The following SEC22A variants were observed in gnomAD, a reference collection of about 807,000 sequenced individuals.
The protein encoded by SEC22A is vesicle-trafficking protein SEC22a.
SEC22A carries 22 observed loss-of-function variants against 35.3 expected under a neutral mutation model. That is an observed-to-expected ratio of 0.62 (90% CI 0.45 to 0.89). The LOEUF (loss-of-function observed/expected upper bound fraction) is 0.89. SEC22A is among the 40% of genes least tolerant of loss of function. The pLI is 0.00. For missense variants in SEC22A, 354 were observed against 362.5 expected (o/e 0.98, Z 0.19); for synonymous variants, 119 against 129.5 (o/e 0.92, Z 0.55).
chr3:123,236,148 A>T (rs1490756083), intron 4 of SEC22A, among the ~76,000 whole-genome samples: 1 of 152,176 alleles, frequency 6.6e-6, no homozygotes, highest in African/African-American at 2.4e-5. Context: ...CTCTGAGTAT[A>T]CGAAAAACTC....
chr3:123,243,688 C>T (rs1228162999), intron 4 of SEC22A: 2 of 152,230 alleles, frequency 1.3e-5, no homozygotes, highest in African/African-American at 4.8e-5. Context: ...TTTGTATCTT[C>T]GAAAGCATAG....
chr3:123,203,510 A>T (rs933770089), intron 1 of SEC22A, among the ~76,000 whole-genome samples: 1 of 152,210 alleles, frequency 6.6e-6, no homozygotes, highest in African/African-American at 2.4e-5. Flanking sequence ...TATGAGATAG[A>T]TGCTATTAGT....
At chr3:123,270,585 G>A (rs1458724157) in intron 6 of SEC22A, among the ~76,000 whole-genome samples, 2 of 152,140 alleles carry the variant, frequency 1.3e-5, no homozygotes, top group Non-Finnish European at 2.9e-5. Flanking sequence ...ACTGTTCTGG[G>A]CACTGGAGAT....
At position 123,209,305 on chromosome 3, in the gene SEC22A, A is replaced by T. The variant is rs1396719648; in HGVS notation, c.88A>T (p.Met30Leu). The T allele has an allele frequency of 6.2e-7, 1 of 1,614,112 alleles. No individual in the cohort carries two copies. The highest frequency in any genetic ancestry group is 2.2e-5 in the East Asian group (1 of 44,872). Reference protein sequence around the residue: ...ASTDYEQSTGMQECRKYFKML... With the variant: ...ASTDYEQSTGLQECRKYFKML... ...TACTGATTATGAACAAAGCACAGGA[A>T]TGCAGGAGTGCAGAAAGTATTTTAA... Residue 30 changes from methionine (M) to leucine (L), a missense_variant, in exon 2 of 7, where the codon ATG (methionine) becomes TTG (leucine). By Grantham distance (15) the Met-to-Leu change is conservative. Coordinates refer to ENST00000492595, the MANE Select transcript of SEC22A (RefSeq NM_012430.5).
rs116858132 is a variant in SEC22A at position 123,229,309 on chromosome 3, A to G, written c.541+4012A>G. Among the ~76,000 whole-genome samples the G allele has an allele frequency of 5.3e-5, 8 of 152,344 alleles. No individual in the cohort carries two copies. In the East Asian group the frequency reaches 1.5e-3, roughly 29 times the overall value. On this transcript the variant is annotated intron_variant, in intron 4 of 6. Transcript: ENST00000492595. The stretch of plus-strand genomic sequence containing the variant: ...TGTCCCTGAACCTAAAATAAAAGTT[A>G]AAAGGAAACCAAAACTCATCACTTA...
chr3:123,253,660 C>T (rs1015440050), intron 5 of SEC22A, among the ~76,000 whole-genome samples: 14 of 144,846 alleles, frequency 9.7e-5, no homozygotes, highest in African/African-American at 2.1e-4. Flanking sequence ...TGTAGTGAGC[C>T]GAAGATTGTG....
chr3:123,223,507 A>G, intron 2 of SEC22A, 52 bp from the exon 3 acceptor site: 7 of 1,419,996 alleles, frequency 4.9e-6, no homozygotes, highest in Non-Finnish European at 6.9e-6. Context: ...TGAAGCAGTG[A>G]ATTACCTTGA....
At chr3:123,228,570 C>T (rs2108054044) in intron 4 of SEC22A, among the ~76,000 whole-genome samples, 1 of 139,644 alleles carries the variant, frequency 7.2e-6, no homozygotes, top group Non-Finnish European at 1.5e-5. Flanking sequence ...AGCGAAAACT[C>T]CATCTCAAAA....
At chr3:123,231,667 G>C (rs1422551402) in intron 4 of SEC22A, among the ~76,000 whole-genome samples, 1 of 152,162 alleles carries the variant, frequency 6.6e-6, no homozygotes, top group African/African-American at 2.4e-5. Flanking sequence ...GGATGTAGTA[G>C]CAAAAGCTAA....
intron 4 of SEC22A, among the ~76,000 whole-genome samples, chr3:123,228,908 A>C (rs1254405141): frequency 1.3e-5 from 2 of 152,218 alleles, no homozygotes; most frequent in African/African-American, 2.4e-5. Context: ...TTGAACTGGC[A>C]GAAGAGTTAG....
intron 1 of SEC22A, chr3:123,204,659 A>G (rs1372513559): frequency 6.6e-6 from 1 of 152,188 alleles, no homozygotes; most frequent in Non-Finnish European, 1.5e-5. Flanking sequence ...CTCAGCCTTT[A>G]CATAAAAGTT....
chr3:123,215,338 C>T (rs1474454438), intron 2 of SEC22A, among the ~76,000 whole-genome samples: 1 of 152,174 alleles, frequency 6.6e-6, no homozygotes, highest in Non-Finnish European at 1.5e-5. Flanking sequence ...ACAGACAGCT[C>T]CAGGCTTACT....
chr3:123,230,019 A>G (rs188927781), intron 4 of SEC22A, among the ~76,000 whole-genome samples: 1 of 152,298 alleles, frequency 6.6e-6, no homozygotes, highest in African/African-American at 2.4e-5. Context: ...GTGGTGGCTC[A>G]TGCCTGTAAT....
chr3:123,216,351 A>G (rs528149986), intron 2 of SEC22A, among the ~76,000 whole-genome samples: 3 of 152,290 alleles, frequency 2.0e-5, no homozygotes, highest in African/African-American at 7.2e-5. Context: ...AAGAAAAGGA[A>G]ATAAAGATGT....
intron 1 of SEC22A, among the ~76,000 whole-genome samples, chr3:123,206,493 TTAAATAA>T (rs1333419590): frequency 6.6e-6 from 1 of 152,220 alleles, no homozygotes; most frequent in African/African-American, 2.4e-5. Context: ...AGTTTTATAG[TTAAATAA>T]TAAACGCTTA....
chr3:123,260,131 CAAAAAAAAAAAAAAAAAAA>C (rs533386545), intron 6 of SEC22A, among the ~76,000 whole-genome samples: 73 of 49,784 alleles, frequency 1.5e-3, no homozygotes, highest in East Asian at 0.011. Flanking sequence ...GACTACATCT[CAAAAAAAAAAAAAAAAAAA>C]AAAAAAAAAA....
At chr3:123,213,605 T>G (rs1936975505) in intron 2 of SEC22A, among the ~76,000 whole-genome samples, 1 of 152,198 alleles carries the variant, frequency 6.6e-6, no homozygotes, top group Non-Finnish European at 1.5e-5. Flanking sequence ...AATTTCTTAT[T>G]TTTAATTTAA....
intron 2 of SEC22A, among the ~76,000 whole-genome samples, chr3:123,212,465 T>C (rs779232042): frequency 2.0e-5 from 3 of 152,178 alleles, no homozygotes; most frequent in Non-Finnish European, 4.4e-5. Context: ...TAAACAAATA[T>C]CAAAGTTTTA....
chr3:123,233,344 A>C (rs1399424931), intron 4 of SEC22A, among the ~76,000 whole-genome samples: 2 of 152,210 alleles, frequency 1.3e-5, no homozygotes. Context: ...AGGCTATACC[A>C]TATAGCCTAG....
Sources: allele counts gnomAD v4.1 joint callset (sites outside exome capture counted in the v4.1 genomes callset), GRCh38; gene constraint gnomAD v4.1.1; transcripts MANE v1.5; gene names NCBI Gene and HGNC (gene_info 2026-07-23, HGNC 2026-07-21).